LTAP1: variants seen among roughly 807,000 people sequenced by gnomAD.
LTAP1 encodes lipid transport auxiliary protein 1.
the LTAP1 span, chr1:154,207,491 A>G: frequency 6.2e-7 from 1 of 1,614,114 alleles, no homozygotes; most frequent in Non-Finnish European, 8.5e-7. Flanking sequence ...TTATCCTTAA[A>G]GCTCTTCAAT....
the LTAP1 span, among the ~76,000 whole-genome samples, chr1:154,209,207 A>G: frequency 6.6e-6 from 1 of 152,128 alleles, no homozygotes; most frequent in Non-Finnish European, 1.5e-5. Flanking sequence ...AACTATACCC[A>G]GTGAACAACT....
At chr1:154,210,462 T>C in the LTAP1 span, among the ~76,000 whole-genome samples, 1 of 152,116 alleles carries the variant, frequency 6.6e-6, no homozygotes, top group Non-Finnish European at 1.5e-5. Context: ...CAGATTATTT[T>C]TATGGCTGGT....
chr1:154,212,219 T>G, the LTAP1 span: 3 of 1,230,006 alleles, frequency 2.4e-6, no homozygotes, highest in Non-Finnish European at 3.6e-6. Flanking sequence ...TCTTATGGTA[T>G]CATGGATTTT....
At chr1:154,213,885 G>A in the LTAP1 span, 1 of 1,611,308 alleles carries the variant, frequency 6.2e-7, no homozygotes, top group Non-Finnish European at 8.5e-7. Flanking sequence ...CTGTCAGGTA[G>A]CCCTTACCAG....
the LTAP1 span, chr1:154,219,863 A>G: frequency 1.9e-6 from 3 of 1,613,770 alleles, no homozygotes; most frequent in Non-Finnish European, 2.5e-6. Flanking sequence ...CCACAGGGAC[A>G]TGAGGTCCCC....
chr1:154,213,970 AG>A, the LTAP1 span: 1 of 1,606,894 alleles, frequency 6.2e-7, no homozygotes, highest in South Asian at 1.1e-5. Flanking sequence ...GACTGGTGTT[AG>A]GCATAACCCT....
chr1:154,219,770 G>A, the LTAP1 span: 2 of 1,181,002 alleles, frequency 1.7e-6, no homozygotes, highest in Non-Finnish European at 1.2e-6. Context: ...TAAAGGCAGA[G>A]GAAATCTCAT....
chr1:154,220,478 G>C, the LTAP1 span: 1 of 1,580,070 alleles, frequency 6.3e-7, no homozygotes, highest in East Asian at 2.2e-5. Flanking sequence ...AGGCTCCGCC[G>C]AAGCGACGGC....
At chr1:154,220,112 G>A in the LTAP1 span, 1 of 717,400 alleles carries the variant, frequency 1.4e-6, no homozygotes, top group Non-Finnish European at 2.3e-6. Context: ...GAAGCCAGCA[G>A]CAGGGAGGCG....
the LTAP1 span, chr1:154,220,337 C>T: frequency 6.2e-7 from 1 of 1,614,154 alleles, no homozygotes; most frequent in Non-Finnish European, 8.5e-7. Context: ...GGGTAATCTC[C>T]TCACCAGGCT....
chr1:154,219,288 G>A, the LTAP1 span, among the ~76,000 whole-genome samples: 6 of 152,202 alleles, frequency 3.9e-5, no homozygotes, highest in Non-Finnish European at 8.8e-5. Flanking sequence ...TGTAGCTAAA[G>A]CCAAGGAAAG....
chr1:154,219,862 C>T, the LTAP1 span: 18 of 1,613,430 alleles, frequency 1.1e-5, no homozygotes, highest in South Asian at 1.4e-4. Context: ...CCCACAGGGA[C>T]ATGAGGTCCC....
chr1:154,207,773 G>A, the LTAP1 span: 1 of 807,208 alleles, frequency 1.2e-6, no homozygotes, highest in Non-Finnish European at 1.9e-6. Context: ...GTCCTATTTT[G>A]TAAACTAGTT....
chr1:154,212,136 C>T, the LTAP1 span: 7 of 677,774 alleles, frequency 1.0e-5, no homozygotes, highest in South Asian at 1.7e-5. Context: ...GGATTATAGG[C>T]GTGAACCACT....
the LTAP1 span, among the ~76,000 whole-genome samples, chr1:154,208,812 A>G: frequency 1.8e-4 from 28 of 152,146 alleles, no homozygotes; most frequent in Non-Finnish European, 3.7e-4. Flanking sequence ...GTGCAGTGGC[A>G]CAATCTTGGC....
chr1:154,212,567 C>A, the LTAP1 span: 3 of 1,614,168 alleles, frequency 1.9e-6, no homozygotes, highest in Non-Finnish European at 2.5e-6. Flanking sequence ...CAGGTAGGAG[C>A]GGAAATTCTT....
At chr1:154,211,038 C>T in the LTAP1 span, among the ~76,000 whole-genome samples, 1 of 151,410 alleles carries the variant, frequency 6.6e-6, no homozygotes, top group East Asian at 1.9e-4. Flanking sequence ...GACAGTCATG[C>T]TCTTGTCACC....
the LTAP1 span, chr1:154,220,567 C>G: frequency 1.0e-5 from 7 of 698,330 alleles, no homozygotes; most frequent in Non-Finnish European, 1.7e-5. Context: ...ACATGGCGGA[C>G]AGGCAGGAGA....
chr1:154,217,569 G>C, the LTAP1 span, among the ~76,000 whole-genome samples: 11 of 152,180 alleles, frequency 7.2e-5, no homozygotes, highest in Non-Finnish European at 1.6e-4. Context: ...GTCTCGCTCT[G>C]TCACCCAGGC....
Sources: gnomAD v4.1 joint callset for allele counts (sites outside exome capture counted in the v4.1 genomes callset) on GRCh38, gnomAD v4.1.1 for gene constraint, MANE v1.5 for transcripts, NCBI Gene and HGNC (gene_info 2026-07-23, HGNC 2026-07-21) for gene names.